CPNE4: variants seen among roughly 807,000 people sequenced by gnomAD.
CPNE4 encodes the protein copine 4.
A neutral mutation model predicts 67.9 loss-of-function variants in CPNE4; 25 were observed. The ratio of observed to expected loss-of-function variants is 0.37; its 90% CI spans 0.27 to 0.51. The LOEUF (loss-of-function observed/expected upper bound fraction) is 0.51. CPNE4 is among the 20% of genes least tolerant of loss of function. The probability of loss-of-function intolerance (pLI) is 0.93; values close to 1 mark genes in which losing one functional copy is unlikely to be tolerated. For missense variants in CPNE4, 464 were observed against 690.8 expected (o/e 0.67, Z 3.68); for synonymous variants, 242 against 244.9 (o/e 0.99, Z 0.11).
chr3:131,765,762 G>A (rs1372261562), intron 2 of CPNE4, among the ~76,000 whole-genome samples: 1 of 152,076 alleles, frequency 6.6e-6, no homozygotes, highest in East Asian at 1.9e-4. Flanking sequence ...CGCTGAAGCT[G>A]AGGCAAATCT....
At chr3:131,736,377 T>C (rs2082234005) in intron 2 of CPNE4, among the ~76,000 whole-genome samples, 4 of 151,838 alleles carry the variant, frequency 2.6e-5, no homozygotes, top group African/African-American at 9.7e-5. Context: ...ATCCCAGCAC[T>C]TTGGGAGGCT....
chr3:131,671,459 ATG>A (rs58195413), intron 6 of CPNE4, among the ~76,000 whole-genome samples: 7,905 of 131,142 alleles, frequency 0.06, 243 homozygotes, highest in East Asian at 0.11. Context: ...GAGTGTACAC[ATG>A]TGTGTGTGTG....
intron 1 of CPNE4, among the ~76,000 whole-genome samples, chr3:132,020,024 GGTACAA>G (rs2073960744): frequency 2.6e-5 from 4 of 152,172 alleles, no homozygotes; most frequent in African/African-American, 9.7e-5. Context: ...GGAACTTAAA[GGTACAA>G]GAGTCAGAAC....
At chr3:131,904,891 T>A (rs1323026411) in intron 2 of CPNE4, among the ~76,000 whole-genome samples, 2 of 152,108 alleles carry the variant, frequency 1.3e-5, no homozygotes, top group Non-Finnish European at 2.9e-5. Context: ...CCACAAGACT[T>A]TGTCTCTGGA....
chr3:131,736,638 G>T lies in CPNE4; in HGVS notation c.181-13013C>A, dbSNP rs142736255. On this transcript the variant is annotated intron_variant, in intron 2 of 15. Transcript: ENST00000429747. ...AAAAAAAAAAAAAAAAAAAAAAGTT[G>T]AAGATGCTTACACAAGGGTTGAGAG... Among the ~76,000 whole-genome samples, 1,291 of 146,086 alleles carry T rather than the reference G, an allele frequency of 8.8e-3. 24 individuals carry two copies. The highest frequency in any genetic ancestry group is 0.03 in the African/African-American group (1,219 of 40,114).
At chr3:131,729,727 G>C (rs1371262184) in intron 2 of CPNE4, among the ~76,000 whole-genome samples, 4 of 152,198 alleles carry the variant, frequency 2.6e-5, no homozygotes, top group Non-Finnish European at 5.9e-5. Flanking sequence ...ATTTCTGTGT[G>C]ATATGTCTAC....
At chr3:131,717,878 CTT>C (rs1354811766) in intron 3 of CPNE4, among the ~76,000 whole-genome samples, 3 of 26,144 alleles carry the variant, frequency 1.1e-4, no homozygotes, top group Admixed American at 4.1e-4. Context: ...TCTTTCTTTT[CTT>C]TCTTTCTTTC....
intron 7 of CPNE4, among the ~76,000 whole-genome samples, chr3:131,615,511 C>T (rs1317452242): frequency 2.0e-5 from 3 of 152,114 alleles, no homozygotes; most frequent in African/African-American, 7.2e-5. Flanking sequence ...AGGAACCTCA[C>T]TAATTGAAGA....
chr3:132,037,440 G>A, upstream of CPNE4: 1 of 769,100 alleles, frequency 1.3e-6, no homozygotes, highest in East Asian at 2.7e-5. Context: ...TACAAATGAA[G>A]ATTTGTAACC....
At chr3:131,657,628 T>G (rs2080008339) in intron 7 of CPNE4, among the ~76,000 whole-genome samples, 1 of 150,172 alleles carries the variant, frequency 6.7e-6, no homozygotes, top group Non-Finnish European at 1.5e-5. Flanking sequence ...TCCAACTCAC[T>G]GGTTCAAGAG....
intron 2 of CPNE4, among the ~76,000 whole-genome samples, chr3:131,889,808 T>C (rs2088032430): frequency 6.6e-6 from 1 of 152,164 alleles, no homozygotes; most frequent in South Asian, 2.1e-4. Flanking sequence ...AGTTAGCTGA[T>C]CTTCGATAAG....
chr3:131,639,727 T>C (rs1212443235), intron 7 of CPNE4, among the ~76,000 whole-genome samples: 1 of 151,956 alleles, frequency 6.6e-6, no homozygotes, highest in Non-Finnish European at 1.5e-5. Flanking sequence ...CAGACCAATA[T>C]CCCTGATGAA....
At chr3:131,846,042 G>A (rs2085984435) in intron 2 of CPNE4, among the ~76,000 whole-genome samples, 1 of 152,170 alleles carries the variant, frequency 6.6e-6, no homozygotes, top group African/African-American at 2.4e-5. Context: ...GAGGTCAATA[G>A]CACAAGGTGT....
chr3:131,930,630 C>T (rs1037719960), intron 1 of CPNE4, among the ~76,000 whole-genome samples: 37 of 152,046 alleles, frequency 2.4e-4, no homozygotes, highest in Non-Finnish European at 1.0e-4. Context: ...TCCTATTAAG[C>T]GCTTAGTACA....
intron 7 of CPNE4, among the ~76,000 whole-genome samples, chr3:131,614,535 G>A (rs1940030981): frequency 6.6e-6 from 1 of 152,172 alleles, no homozygotes; most frequent in South Asian, 2.1e-4. Context: ...AATGCTTAAT[G>A]GATGTAATTG....
At chr3:131,771,431 C>T (rs2083163449) in intron 2 of CPNE4, among the ~76,000 whole-genome samples, 1 of 152,014 alleles carries the variant, frequency 6.6e-6, no homozygotes, top group Non-Finnish European at 1.5e-5. Context: ...GATTAATGCC[C>T]ATTTTGGGTG....
At chr3:131,571,215 C>T (rs894706479) in intron 10 of CPNE4, among the ~76,000 whole-genome samples, 1 of 151,982 alleles carries the variant, frequency 6.6e-6, no homozygotes, top group Admixed American at 6.6e-5. Flanking sequence ...TTACTGCCTC[C>T]CCTTGGGCCT....
At chr3:131,566,982 ACACCTTGTGGC>A (rs1451710653) in intron 10 of CPNE4, among the ~76,000 whole-genome samples, 1 of 151,950 alleles carries the variant, frequency 6.6e-6, no homozygotes, top group Non-Finnish European at 1.5e-5. Context: ...TTAATAACAA[ACACCTTGTGGC>A]CCACCTCACT....
chr3:132,035,110 G>A (rs1159110398), upstream of CPNE4: 4 of 967,026 alleles, frequency 4.1e-6, no homozygotes, highest in East Asian at 4.6e-4. Flanking sequence ...GCATTGCCCC[G>A]GGAACCCGAG....
Sources: gnomAD v4.1 joint callset for allele counts (sites outside exome capture counted in the v4.1 genomes callset) on GRCh38, gnomAD v4.1.1 for gene constraint, MANE v1.5 for transcripts, NCBI Gene and HGNC (gene_info 2026-07-23, HGNC 2026-07-21) for gene names.